Variants in SRCAP observed in about 807,000 individuals in gnomAD.
The protein encoded by SRCAP is Snf2 related CREBBP activator protein.
Under a neutral mutation model 263.1 loss-of-function variants are expected in SRCAP, and 46 were observed. The ratio of observed to expected loss-of-function variants is 0.17; its 90% CI spans 0.14 to 0.22. The LOEUF (loss-of-function observed/expected upper bound fraction) is 0.22. Ranked by LOEUF, SRCAP falls within the 10% of genes least tolerant of loss-of-function variation. The probability of loss-of-function intolerance (pLI) is 1.00; values close to 1 mark genes in which losing one functional copy is unlikely to be tolerated. For synonymous variants in SRCAP, 1,813 were observed against 1,662.1 expected, an observed-to-expected ratio of 1.09 and a Z score of -2.21; for missense variants, 3,695 against 4,181.9, an observed-to-expected ratio of 0.88 and a Z score of 3.21.
In SRCAP at chr16:30,720,179, A is replaced by G; in HGVS notation, c.2835A>G (p.Arg945=). The G allele has an allele frequency of 6.2e-7, 1 of 1,612,062 alleles. No individual in the cohort carries two copies. The highest frequency in any genetic ancestry group is 8.5e-7 in the Non-Finnish European group (1 of 1,178,308). The change falls in exon 19 of 34, where the codon CGA becomes CGG. Residue 945 remains arginine (R), a synonymous_variant. Coordinates refer to ENST00000262518, the MANE Select transcript of SRCAP (RefSeq NM_006662.3). ...TGTGGCAGCGGATAGACATGGGTCG[A>G]TTTGACCTTATTGGCCTGGAAGGTC... ...VHPLQRIDMG[R]FDLIGLEGRV...
rs1567250401 is a variant in SRCAP at position 30,729,392 on chromosome 16, G to A, written c.5947G>A (p.Val1983Met). 1 of 1,614,112 alleles carries A rather than the reference G, an allele frequency of 6.2e-7. No homozygotes were observed. The highest frequency in any genetic ancestry group is 1.7e-5 in the Admixed American group (1 of 60,016). ...CAGGTTCATCTTTGTCATGCCTCCT[G>A]TGGAGGCACCTCCCCCTTCCCTGCA... ...IERFIFVMPP[V>M]EAPPPSLHAC... The change falls in exon 27 of 34, where the codon GTG becomes ATG. Residue 1983 changes from valine to methionine, a missense_variant. Transcript: ENST00000262518.
rs146224299 is a variant in SRCAP, at chr16:30,739,337, C to T, written c.9297C>T (p.Ser3099=). 483 of 1,614,084 alleles carry T rather than the reference C, an allele frequency of 3.0e-4. 1 individual carries two copies. Among genetic ancestry groups the T allele is most frequent in the Non-Finnish European group, 3.7e-4 (438 of 1,179,986 alleles). ...AGGATGACCTGGACTTAGCAGATAG[C>T]GGGCCAGGCGGGTTGGAATTGACAC... The part of the protein sequence containing the change: ...VIQDDLDLAD[S]GPGGLELTPP... Residue 3099 remains serine (S), a synonymous_variant, in exon 34 of 34, where the codon AGC becomes AGT. Transcript: ENST00000262518.
intron 3 of SRCAP, among the ~76,000 whole-genome samples, chr16:30,701,653 A>C (rs1315992852): frequency 9.4e-6 from 1 of 106,186 alleles, no homozygotes; most frequent in African/African-American, 7.1e-5. Context: ...TTTTTTTTTG[A>C]AATGGAGTGT....
In SRCAP at chr16:30,724,955, C is replaced by A. The variant is rs78037619; in HGVS notation, c.5531C>A (p.Ser1844Tyr). 13 of 1,614,218 alleles carry A rather than the reference C, an allele frequency of 8.1e-6. No individual in the cohort carries two copies. The East Asian group carries it at 8.9e-5, about 11-fold the overall frequency. Reference sequence around the variant, plus strand: ...ACCATGGTATCCCGGCTGCCTGTTTCCAAGGATGAGCCTGACACACTGACA... The same window carrying A: ...ACCATGGTATCCCGGCTGCCTGTTTACAAGGATGAGCCTGACACACTGACA... Reference protein sequence around the residue: ...PVTMVSRLPVSKDEPDTLTLR... With the variant: ...PVTMVSRLPVYKDEPDTLTLR... The change falls in exon 25 of 34, where the codon TCC (serine) becomes TAC (tyrosine). Residue 1844 changes from serine (S) to tyrosine (Y), a missense_variant. Ser to Tyr is a moderately radical substitution (Grantham distance 144, BLOSUM62 -2). Transcript: ENST00000262518.
At chr16:30,719,946 C>T (rs1316010237) in intron 18 of SRCAP, among the ~76,000 whole-genome samples, 1 of 152,144 alleles carries the variant, frequency 6.6e-6, no homozygotes, top group African/African-American at 2.4e-5. Flanking sequence ...GTTTTTCAGC[C>T]CCTTGCCCGC....
chr16:30,708,720 G>A (rs570620895), intron 6 of SRCAP, among the ~76,000 whole-genome samples: 2 of 152,146 alleles, frequency 1.3e-5, no homozygotes, highest in African/African-American at 4.8e-5. Flanking sequence ...TGGAGACAAG[G>A]TCTCGCTGTT....
intron 25 of SRCAP, among the ~76,000 whole-genome samples, chr16:30,727,924 C>A (rs550848027): frequency 1.7e-4 from 26 of 152,154 alleles, no homozygotes; most frequent in African/African-American, 6.3e-4. Context: ...AGGCTCAAAC[C>A]ATCCACCTAG....
intron 5 of SRCAP, 33 bp from the exon 6 acceptor site, chr16:30,707,539 G>A (rs1240972707): frequency 1.2e-6 from 2 of 1,610,122 alleles, no homozygotes; most frequent in Non-Finnish European, 1.7e-6. Flanking sequence ...GTCTGGCTTT[G>A]AGTGTTTTCA....
rs1194654108 is a variant in SRCAP, at chr16:30,721,291, C to T, written c.3356C>T (p.Ala1119Val). ...CCTGCCCCAGTTCGCCTGAGCCCAGCCCCACCTCCAGGCTCCTCTAGCCTG... is the reference window on the plus strand; with the variant it reads ...CCTGCCCCAGTTCGCCTGAGCCCAGTCCCACCTCCAGGCTCCTCTAGCCTG... ...TPPAPVRLSP[A>V]PPPGSSSLLK... The change falls in exon 21 of 34, where the codon GCC becomes GTC. Residue 1119 changes from alanine (A) to valine (V), a missense_variant. Around this residue, in one of 12 missense-constraint regions of SRCAP, gnomAD observed 1,347 missense variants for 1,304.4 expected, o/e 1.03. Coordinates refer to ENST00000262518, the MANE Select transcript of SRCAP (RefSeq NM_006662.3). 6 of 1,614,164 alleles carry T rather than the reference C, an allele frequency of 3.7e-6. No individual in the cohort carries two copies. Among genetic ancestry groups the T allele is most frequent in the Non-Finnish European group, 5.1e-6 (6 of 1,180,040 alleles).
In SRCAP at chr16:30,713,200, TC is replaced by T. The variant is rs770975091; in HGVS notation, c.2131-5del. 8 of 1,613,050 alleles carry T rather than the reference TC, an allele frequency of 5.0e-6. No homozygotes were observed. In the Admixed American group the frequency reaches 1.3e-4, roughly 27 times the overall value. On this transcript the variant is annotated splice_region_variant and splice_polypyrimidine_tract_variant and intron_variant, in intron 14 of 33. Transcript: ENST00000262518. ...ACTATCTGCTACTTTCTGTCTTTGA[TC>T]CCTCAGGGCTGGACCAAGCCCAATG...
chr16:30,723,276 C>A lies in SRCAP; in HGVS notation c.4159+47C>A. 5 of 1,554,828 alleles carry A rather than the reference C, an allele frequency of 3.2e-6. No homozygotes were observed. The South Asian group carries it at 6.0e-5, about 19-fold the overall frequency. ...CAGAAATCCTTGCCAGGAATGGAGA[C>A]GAGATGGGGTCGCCTCAAGGTTTCT... On this transcript the variant is annotated intron_variant, in intron 24 of 33. Coordinates refer to ENST00000262518, the MANE Select transcript of SRCAP (RefSeq NM_006662.3).
chr16:30,713,049 C>T (rs1044638903), intron 14 of SRCAP, among the ~76,000 whole-genome samples, 159 bp from the exon 15 acceptor site: 2 of 152,130 alleles, frequency 1.3e-5, no homozygotes, highest in African/African-American at 4.8e-5. Context: ...TGTGAGCCAC[C>T]GCACCCAGGC....
At chr16:30,728,480 G>A (rs536068490) in intron 25 of SRCAP, among the ~76,000 whole-genome samples, 2 of 152,288 alleles carry the variant, frequency 1.3e-5, no homozygotes, top group East Asian at 1.9e-4. Flanking sequence ...TCGGATGTCC[G>A]GTTAGCTGTT....
At chr16:30,701,041 A>G (rs1254104987) in intron 3 of SRCAP, among the ~76,000 whole-genome samples, 163 bp downstream of exon 3, 2 of 152,220 alleles carry the variant, frequency 1.3e-5, no homozygotes, top group Non-Finnish European at 2.9e-5. Flanking sequence ...CTCACATTCC[A>G]TTTAACATTA....
intron 14 of SRCAP, 106 bp downstream of exon 14, chr16:30,712,921 T>G: frequency 1.4e-6 from 2 of 1,380,900 alleles, no homozygotes; most frequent in Non-Finnish European, 1.9e-6. Context: ...TTAAAAAAAA[T>G]TTTTTAATTT....
At position 30,724,035 on chromosome 16, in the gene SRCAP, G is replaced by A; in HGVS notation, c.4611G>A (p.Leu1537=). ...CCACCTCTTCACATGTTCCAGGGTT[G>A]AACTCAACCGTGGCCCCAGCATGCT... ...LAPTSSHVPG[L]NSTVAPACSP... Residue 1537 remains leucine, a synonymous_variant, in exon 25 of 34, where the codon TTG becomes TTA. Coordinates refer to ENST00000262518, the MANE Select transcript of SRCAP (RefSeq NM_006662.3). 6.2e-7 allele frequency: 1 copy of A among 1,613,900 alleles called. No homozygotes were observed. The highest frequency in any genetic ancestry group is 8.5e-7 in the Non-Finnish European group (1 of 1,180,020).
intron 4 of SRCAP, among the ~76,000 whole-genome samples, chr16:30,706,109 C>T (rs1485682408): frequency 6.6e-6 from 1 of 152,146 alleles, no homozygotes; most frequent in Non-Finnish European, 1.5e-5. Context: ...TTAGTCCTGT[C>T]TGGTCTCTGG....
Position 30,716,687 on chromosome 16 carries a change from C to T in SRCAP, c.2817+208C>T, listed in dbSNP as rs1426622064. On this transcript the variant is annotated intron_variant, in intron 18 of 33. Coordinates refer to ENST00000262518, the MANE Select transcript of SRCAP (RefSeq NM_006662.3). Reference sequence around the variant, plus strand: ...ACTGTGAATTTATCAGGATGTAACCCCATCGTAAATTGAGGAGCATCTGGA... The same window carrying T: ...ACTGTGAATTTATCAGGATGTAACCTCATCGTAAATTGAGGAGCATCTGGA... Among the ~76,000 whole-genome samples, 4 of 152,078 alleles carry T rather than the reference C, an allele frequency of 2.6e-5. No homozygotes were observed. In the East Asian group the frequency reaches 7.7e-4, roughly 29 times the overall value.
chr16:30,723,167 C>T lies in SRCAP; in HGVS notation c.4097C>T (p.Pro1366Leu). ...CTGGGTACTGCTCGAGCCCCCATGC[C>T]CACACCCACTCTGGTGAGGCCTCTT... ...PTLGTARAPM[P>L]TPTLVRPLLK... The change falls in exon 24 of 34, where the codon CCC (proline) becomes CTC (leucine). Residue 1366 changes from proline to leucine, a missense_variant. Pro to Leu is a moderately conservative substitution (Grantham distance 98, BLOSUM62 -3). Transcript: ENST00000262518. The T allele has an allele frequency of 6.2e-7, 1 of 1,614,140 alleles. No homozygotes were observed. The highest frequency in any genetic ancestry group is 8.5e-7 in the Non-Finnish European group (1 of 1,180,034).
Sources: allele counts gnomAD v4.1 joint callset (sites outside exome capture counted in the v4.1 genomes callset), GRCh38; gene constraint gnomAD v4.1.1; regional missense constraint gnomAD v4.1.1; transcripts MANE v1.5; gene names NCBI Gene and HGNC (gene_info 2026-07-23, HGNC 2026-07-21).